VPS13A: variants seen among roughly 807,000 people sequenced by gnomAD.
VPS13A encodes the protein intermembrane lipid transfer protein VPS13A.
Under a neutral mutation model 390.9 loss-of-function variants are expected in VPS13A, and 264 were observed. That is an observed-to-expected ratio of 0.68 (90% CI 0.61 to 0.75). VPS13A has a LOEUF of 0.75. VPS13A is among the 30% of genes least tolerant of loss of function. The pLI is 0.00. For synonymous variants in VPS13A, 1,231 were observed against 1,227.1 expected (o/e 1.00, Z -0.07); for missense variants, 3,409 against 3,733.9 (o/e 0.91, Z 2.27).
At chr9:77,207,926 T>C (rs1012671759) in intron 5 of VPS13A, among the ~76,000 whole-genome samples, 4 of 152,204 alleles carry the variant, frequency 2.6e-5, no homozygotes, top group South Asian at 2.1e-4. Context: ...CTGCAAGATA[T>C]AGGCATTGAT....
intron 19 of VPS13A, among the ~76,000 whole-genome samples, chr9:77,245,893 G>T (rs1467710562): frequency 6.6e-6 from 1 of 152,198 alleles, no homozygotes; most frequent in Non-Finnish European, 1.5e-5. Flanking sequence ...TTTGGTGAGG[G>T]TTTCAGAATG....
At position 77,407,385 on chromosome 9, in the gene VPS13A, C is replaced by G. The variant is rs918882564; in HGVS notation, c.9400-148C>G. The G allele has an allele frequency of 5.0e-6, 3 of 604,038 alleles. No homozygotes were observed. In the Admixed American group the frequency reaches 9.2e-5, roughly 19 times the overall value. 37.4% of individuals were successfully genotyped at this position (604,038 alleles called of 1,614,324 possible). ...TTTTTTTCTATTGGTTTTGATTCTT[C>G]TTGCTTCCTCATTCTTGTCTTTTTT... On this transcript the variant is annotated intron_variant, in intron 70 of 71. Transcript: ENST00000360280.
intron 1 of VPS13A, among the ~76,000 whole-genome samples, chr9:77,185,021 G>A (rs557092608): frequency 2.9e-4 from 44 of 152,198 alleles, no homozygotes; most frequent in Non-Finnish European, 5.3e-4. Context: ...AAAATCAGGT[G>A]CGAACCCTGA....
rs551703541 is a variant in VPS13A, at chr9:77,415,370, C to T, written c.9475-586C>T. ...TTTTAAGTTAAAGAGGTACAAACATCTCTGTGAAATCTTTATATATTAGAA... is the reference window on the plus strand; with the variant it reads ...TTTTAAGTTAAAGAGGTACAAACATTTCTGTGAAATCTTTATATATTAGAA... On this transcript the variant is annotated intron_variant, in intron 71 of 71. Transcript: ENST00000360280. 8.5e-5 allele frequency among the ~76,000 whole-genome samples: 13 copies of T among 152,292 alleles called. No homozygotes were observed. The East Asian group carries it at 1.2e-3, about 14-fold the overall frequency.
intron 50 of VPS13A, among the ~76,000 whole-genome samples, chr9:77,343,486 A>G (rs891715024): frequency 6.6e-6 from 1 of 152,188 alleles, no homozygotes; most frequent in Non-Finnish European, 1.5e-5. Context: ...GAGTTGACTT[A>G]ATAGCTTACA....
Position 77,247,247 on chromosome 9 carries a change from A to C in VPS13A, c.1901-12A>C. ...TGAAAAGTATTCATAGAAAAGATTT[A>C]CATTTTTCCAGGTCTACTGTATATT... On this transcript the variant is annotated splice_polypyrimidine_tract_variant and intron_variant, in intron 19 of 71. Transcript: ENST00000360280. 1.9e-6 allele frequency: 3 copies of C among 1,552,868 alleles called. No homozygotes were observed. The highest frequency in any genetic ancestry group is 2.6e-6 in the Non-Finnish European group (3 of 1,142,424).
At position 77,237,234 on chromosome 9, in the gene VPS13A, A is replaced by G. The variant is rs149429589; in HGVS notation, c.1596-768A>G. Among the ~76,000 whole-genome samples the G allele has an allele frequency of 2.6e-5, 4 of 152,042 alleles. No homozygotes were observed. The East Asian group carries it at 7.8e-4, about 30-fold the overall frequency. On this transcript the variant is annotated intron_variant, in intron 17 of 71. Transcript: ENST00000360280. The stretch of plus-strand genomic sequence containing the variant: ...TTTTCTGTTTGCTGTATGCCCTTAG[A>G]TTGATTTCCAGAGATTTTATAATTT...
At chr9:77,221,143 T>A (rs1221924478) in intron 12 of VPS13A, 42 bp from the exon 13 acceptor site, 2 of 1,583,388 alleles carry the variant, frequency 1.3e-6, no homozygotes. Flanking sequence ...TGTTTCATAC[T>A]GTTGATTTGA....
chr9:77,335,542 G>A (rs1031802753), intron 46 of VPS13A, among the ~76,000 whole-genome samples: 3 of 152,142 alleles, frequency 2.0e-5, no homozygotes, highest in Non-Finnish European at 4.4e-5. Flanking sequence ...AGTAGGTGAA[G>A]GATATGAATA....
Position 77,407,887 on chromosome 9 carries a change from C to CAACA in VPS13A, c.9474+287_9474+290dup, listed in dbSNP as rs1236598945. Among the ~76,000 whole-genome samples, 7 of 152,000 alleles carry CAACA rather than the reference C, an allele frequency of 4.6e-5. No individual in the cohort carries two copies. The East Asian group carries it at 7.7e-4, about 17-fold the overall frequency. ...AATTAATTTTTTTTAATAAAAAAGTCAACAAACAAAAATTAATTATTTTGT... is the reference window on the plus strand; with the variant it reads ...AATTAATTTTTTTTAATAAAAAAGTCAACAAACAAACAAAAATTAATTATTTTGT... On this transcript the variant is annotated intron_variant, in intron 71 of 71. Transcript: ENST00000360280.
chr9:77,394,480 G>A (rs143079710), intron 68 of VPS13A, among the ~76,000 whole-genome samples: 1 of 152,246 alleles, frequency 6.6e-6, no homozygotes, highest in East Asian at 1.9e-4. Context: ...GAGGCAAGAG[G>A]ATCCCTTGAA....
At chr9:77,299,347 G>A (rs1034892907) in intron 33 of VPS13A, among the ~76,000 whole-genome samples, 3 of 152,042 alleles carry the variant, frequency 2.0e-5, no homozygotes, top group Admixed American at 6.6e-5. Flanking sequence ...AATTACTTTG[G>A]GCAGTATGGC....
chr9:77,361,027 A>G (rs1321063293), intron 59 of VPS13A, among the ~76,000 whole-genome samples: 1 of 152,158 alleles, frequency 6.6e-6, no homozygotes, highest in Non-Finnish European at 1.5e-5. Flanking sequence ...CTGGAAGACC[A>G]TAAAATCATA....
rs55937672 is a variant in VPS13A at position 77,339,494 on chromosome 9, G to T, written c.6379-22G>T. On this transcript the variant is annotated intron_variant, in intron 47 of 71. Coordinates refer to ENST00000360280, the MANE Select transcript of VPS13A (RefSeq NM_033305.3). ...TCTGCAACATTTTAAATTTTGTTTT[G>T]TTTTTTTTTTTTTTATTACAGGGAA... 0.36 allele frequency: 471,043 copies of T among 1,299,498 alleles called. 58,306 individuals are homozygous for T. The highest frequency in any genetic ancestry group is 0.43 in the Admixed American group (16,278 of 37,810). The allele number at this position is 1,299,498 out of a possible 1,614,324, so 80.5% of individuals were successfully genotyped here.
chr9:77,331,841 T>C (rs569755466), intron 45 of VPS13A, among the ~76,000 whole-genome samples, 169 bp from the exon 46 acceptor site: 2 of 152,146 alleles, frequency 1.3e-5, no homozygotes, highest in Non-Finnish European at 2.9e-5. Context: ...AGATTTTTCT[T>C]GTATGTTTTA....
intron 45 of VPS13A, among the ~76,000 whole-genome samples, chr9:77,326,065 T>C (rs894026046): frequency 6.6e-6 from 1 of 152,176 alleles, no homozygotes; most frequent in South Asian, 2.1e-4. Context: ...CCCCATACTT[T>C]AAAAATGTTG....
rs757970884 is a variant in VPS13A at position 77,357,779 on chromosome 9, G to A, written c.7894G>A (p.Val2632Met). The A allele has an allele frequency of 1.2e-6, 2 of 1,613,616 alleles. No individual in the cohort carries two copies. The highest frequency in any genetic ancestry group is 1.1e-5 in the South Asian group (1 of 91,070). Residue 2632 changes from valine (V) to methionine (M), a missense_variant, in exon 56 of 72, where the codon GTG (valine) becomes ATG (methionine). By Grantham distance (21) the Val-to-Met change is conservative. Coordinates refer to ENST00000360280, the MANE Select transcript of VPS13A (RefSeq NM_033305.3). ...LRRNYLPALK[V>M]EYNTSAHQSS... Reference sequence around the variant, plus strand: ...AAGAAATTATCTTCCAGCATTAAAAGTGGAATATAACACATCTGCACATCA... The same window carrying A: ...AAGAAATTATCTTCCAGCATTAAAAATGGAATATAACACATCTGCACATCA...
At chr9:77,372,479 G>A (rs1262126494) in intron 67 of VPS13A, among the ~76,000 whole-genome samples, 26 of 152,066 alleles carry the variant, frequency 1.7e-4, no homozygotes, top group Middle Eastern at 3.4e-3. Context: ...TTGATGGGAC[G>A]TATTTCAAAA....
chr9:77,369,108 G>A (rs1832602119), intron 62 of VPS13A, among the ~76,000 whole-genome samples, 191 bp from the exon 63 acceptor site: 1 of 152,170 alleles, frequency 6.6e-6, no homozygotes, highest in Admixed American at 6.5e-5. Flanking sequence ...TCCAGCCTGG[G>A]CAACAGAGCA....
Sources: allele counts gnomAD v4.1 joint callset (sites outside exome capture counted in the v4.1 genomes callset), GRCh38; gene constraint gnomAD v4.1.1; transcripts MANE v1.5; gene names NCBI Gene and HGNC (gene_info 2026-07-23, HGNC 2026-07-21).